Variants in SESTD1 observed in about 807,000 individuals in gnomAD.
SESTD1 encodes SEC14 domain and spectrin repeat-containing protein 1.
In SESTD1, 43 loss-of-function variants were observed where a neutral mutation model predicts 101.7. The observed-to-expected ratio is 0.42, with a 90% CI of 0.33 to 0.55. The LOEUF is 0.55. SESTD1 is among the 20% of genes least tolerant of loss of function. The probability of loss-of-function intolerance (pLI) is 0.07; values close to 1 mark genes in which losing one functional copy is unlikely to be tolerated. For synonymous variants in SESTD1, 283 were observed against 286.8 expected, an observed-to-expected ratio of 0.99 and a Z score of 0.13; for missense variants, 647 against 815.1, an observed-to-expected ratio of 0.79 and a Z score of 2.51.
At position 179,214,343 on chromosome 2, in the gene SESTD1, A is replaced by C. The variant is rs1033631201; in HGVS notation, c.-25-22477T>G. Among the ~76,000 whole-genome samples the C allele has an allele frequency of 2.7e-4, 37 of 134,672 alleles. 8 individuals are homozygous for C. Among genetic ancestry groups the C allele is most frequent in the Non-Finnish European group, 4.1e-4 (26 of 62,732 alleles). 88.4% of individuals were successfully genotyped at this position (134,672 alleles called of 152,430 possible). Reference sequence around the variant, plus strand: ...AAAGGTTGAAATCCTAGTCTCTGATAAAACAGACTTTAAACCAACAAAGAT... The same window carrying C: ...AAAGGTTGAAATCCTAGTCTCTGATCAAACAGACTTTAAACCAACAAAGAT... On this transcript the variant is annotated intron_variant, in intron 1 of 17. Coordinates refer to ENST00000428443, the MANE Select transcript of SESTD1 (RefSeq NM_178123.5).
At chr2:179,143,987 T>C (rs2045340786) in intron 8 of SESTD1, among the ~76,000 whole-genome samples, 184 bp from the exon 9 acceptor site, 1 of 150,960 alleles carries the variant, frequency 6.6e-6, no homozygotes, top group Non-Finnish European at 1.5e-5. Flanking sequence ...TTAATATATA[T>C]ATGTGTGTAT....
intron 1 of SESTD1, among the ~76,000 whole-genome samples, chr2:179,240,852 T>C (rs187525575): frequency 6.6e-6 from 1 of 152,180 alleles, no homozygotes; most frequent in Non-Finnish European, 1.5e-5. Flanking sequence ...CCCCCATCCC[T>C]GTTGTGTGAG....
At chr2:179,176,605 A>T (rs1195170255) in intron 3 of SESTD1, 67 bp from the exon 4 acceptor site, 5 of 1,329,014 alleles carry the variant, frequency 3.8e-6, no homozygotes, top group Non-Finnish European at 4.2e-6. Context: ...AATTCTAAAT[A>T]AAGAAGGTTT....
chr2:179,207,093 T>C (rs553922851), intron 1 of SESTD1, among the ~76,000 whole-genome samples: 1 of 133,488 alleles, frequency 7.5e-6, no homozygotes, highest in East Asian at 2.0e-4. Flanking sequence ...ACCCTGCCGA[T>C]GGTTTTGCTC....
chr2:179,111,533 G>C (rs1327117066), intron 17 of SESTD1, among the ~76,000 whole-genome samples: 1 of 152,184 alleles, frequency 6.6e-6, no homozygotes, highest in Non-Finnish European at 1.5e-5. Flanking sequence ...GTAAGTGGTA[G>C]AGCTGAGACC....
At chr2:179,151,864 G>A (rs1182553465) in intron 5 of SESTD1, among the ~76,000 whole-genome samples, 1 of 152,064 alleles carries the variant, frequency 6.6e-6, no homozygotes, top group Non-Finnish European at 1.5e-5. Context: ...CGGTTGTAGA[G>A]TATAACCCAC....
intron 1 of SESTD1, among the ~76,000 whole-genome samples, chr2:179,258,444 C>T (rs1325956334): frequency 6.6e-6 from 1 of 152,142 alleles, no homozygotes; most frequent in Non-Finnish European, 1.5e-5. Context: ...TAAGCAAAAG[C>T]TCTGGCAATA....
In SESTD1 at chr2:179,127,469, CATT is replaced by C. The variant is rs988123259; in HGVS notation, c.973-2914_973-2912del. The stretch of plus-strand genomic sequence containing the variant: ...ACATTCATTGATTGAAGGTATAAAA[CATT>C]AATCACTGTAGATTTACTGACATTA... On this transcript the variant is annotated intron_variant, in intron 10 of 17. Coordinates refer to ENST00000428443, the MANE Select transcript of SESTD1 (RefSeq NM_178123.5). Among the ~76,000 whole-genome samples the C allele has an allele frequency of 3.3e-5, 5 of 152,270 alleles. No homozygotes were observed. In the East Asian group the frequency reaches 5.8e-4, roughly 18 times the overall value.
rs1019587899 is a variant in SESTD1 at position 179,143,807 on chromosome 2, T to C, written c.638-4A>G. ...AATTCGGACAACAATTCATGCCCTT[T>C]ACAAATAAAAGATACTTGAAATTAA... On this transcript the variant is annotated splice_region_variant and splice_polypyrimidine_tract_variant and intron_variant, in intron 8 of 17. Transcript: ENST00000428443. 9 of 1,610,178 alleles carry C rather than the reference T, an allele frequency of 5.6e-6. No homozygotes were observed. The highest frequency in any genetic ancestry group is 7.6e-6 in the Non-Finnish European group (9 of 1,179,054).
chr2:179,143,836 C>T (rs112026084), intron 8 of SESTD1, 33 bp from the exon 9 acceptor site: 1 of 1,599,524 alleles, frequency 6.3e-7, no homozygotes. Flanking sequence ...AAATTAATAT[C>T]TGTAAAGAAA....
intron 6 of SESTD1, among the ~76,000 whole-genome samples, chr2:179,150,222 T>C (rs1414640176): frequency 6.6e-6 from 1 of 152,062 alleles, no homozygotes; most frequent in Non-Finnish European, 1.5e-5. Flanking sequence ...TGTCTCTAAA[T>C]AAATAAACTG....
At chr2:179,239,744 C>T (rs1048793501) in intron 1 of SESTD1, among the ~76,000 whole-genome samples, 4 of 152,156 alleles carry the variant, frequency 2.6e-5, no homozygotes, top group South Asian at 2.1e-4. Context: ...GCACTACTAA[C>T]GCTTTATTCT....
intron 7 of SESTD1, among the ~76,000 whole-genome samples, chr2:179,148,929 G>A (rs1009621114): frequency 2.6e-5 from 4 of 151,512 alleles, no homozygotes; most frequent in African/African-American, 4.8e-5. Context: ...GCGAGGTGGC[G>A]GGCGCCTGTA....
chr2:179,183,245 T>A, intron 2 of SESTD1, 57 bp from the exon 3 acceptor site: 1 of 1,083,080 alleles, frequency 9.2e-7, no homozygotes, highest in Non-Finnish European at 1.3e-6. Flanking sequence ...ATAATCTGAA[T>A]AATATACATT....
rs973494588 is a variant in SESTD1 at position 179,209,761 on chromosome 2, C to T, written c.-25-17895G>A. On this transcript the variant is annotated intron_variant, in intron 1 of 17. Coordinates refer to ENST00000428443, the MANE Select transcript of SESTD1 (RefSeq NM_178123.5). The stretch of plus-strand genomic sequence containing the variant: ...TTAAATGCCTATTACATCAAAAAGT[C>T]GGAAAGTGCACAAATTGACAATCTA... 2.7e-4 allele frequency among the ~76,000 whole-genome samples: 36 copies of T among 133,066 alleles called. 7 individuals carry two copies. The highest frequency in any genetic ancestry group is 4.7e-4 in the Non-Finnish European group (29 of 62,144). The allele number at this position is 133,066 out of a possible 152,430, so 87.3% of individuals were successfully genotyped here.
At chr2:179,223,010 A>C (rs1256247628) in intron 1 of SESTD1, among the ~76,000 whole-genome samples, 1 of 152,224 alleles carries the variant, frequency 6.6e-6, no homozygotes, top group Non-Finnish European at 1.5e-5. Context: ...AGCACTGTTC[A>C]TATAACAGCC....
intron 9 of SESTD1, among the ~76,000 whole-genome samples, 174 bp from the exon 10 acceptor site, chr2:179,132,600 A>C (rs914847513): frequency 1.3e-5 from 2 of 152,262 alleles, no homozygotes; most frequent in African/African-American, 4.8e-5. Flanking sequence ...ATAATGTGAC[A>C]ACATTTTCAA....
chr2:179,164,086 T>C (rs771892773), intron 5 of SESTD1, among the ~76,000 whole-genome samples: 2 of 152,226 alleles, frequency 1.3e-5, no homozygotes, highest in African/African-American at 2.4e-5. Context: ...CTGCACTTAG[T>C]AAAGATTCAT....
At chr2:179,178,088 G>A (rs1277934048) in intron 3 of SESTD1, among the ~76,000 whole-genome samples, 2 of 152,096 alleles carry the variant, frequency 1.3e-5, no homozygotes, top group African/African-American at 4.8e-5. Flanking sequence ...GTTTATTTTG[G>A]GCTGATAAAA....
Sources: allele counts gnomAD v4.1 joint callset (sites outside exome capture counted in the v4.1 genomes callset), GRCh38; gene constraint gnomAD v4.1.1; transcripts MANE v1.5; gene names NCBI Gene and HGNC (gene_info 2026-07-23, HGNC 2026-07-21).